SLC24A1: variants seen among roughly 807,000 people sequenced by gnomAD.
The protein encoded by SLC24A1 is sodium/potassium/calcium exchanger 1.
Under a neutral mutation model 88.1 loss-of-function variants are expected in SLC24A1, and 52 were observed. That is an observed-to-expected ratio of 0.59 (90% CI 0.47 to 0.74). The LOEUF is 0.74. Among genes scored for constraint, SLC24A1 ranks in the 30% least tolerant of loss-of-function variants. SLC24A1 has a pLI of 0.00. For missense variants in SLC24A1, 1,173 were observed against 1,363.3 expected, an observed-to-expected ratio of 0.86 and a Z score of 2.20; for synonymous variants, 455 against 498.0, an observed-to-expected ratio of 0.91 and a Z score of 1.15.
At chr15:65,618,693 GA>G (rs923237815), upstream of SLC24A1, among the ~76,000 whole-genome samples, 3 of 151,872 alleles carry the variant, frequency 2.0e-5, no homozygotes, top group Admixed American at 2.0e-4. Context: ...AGCTTACAGG[GA>G]AAAAAAAGGT....
At chr15:65,641,381 CAAAT>C (rs61152849) in intron 4 of SLC24A1, among the ~76,000 whole-genome samples, 33,162 of 149,892 alleles carry the variant, frequency 0.22, 4,570 homozygotes, top group East Asian at 0.73. Flanking sequence ...AACAAACAAA[CAAAT>C]AAATAAATAA....
chr15:65,633,620 A>T (rs543566635), intron 2 of SLC24A1, among the ~76,000 whole-genome samples: 39 of 152,356 alleles, frequency 2.6e-4, no homozygotes, highest in African/African-American at 8.7e-4. Flanking sequence ...AGATCTTGCC[A>T]CTGCACTCCA....
At chr15:65,616,474 G>T (rs535576149) in intron 2 of SLC24A1, among the ~76,000 whole-genome samples, 2 of 152,340 alleles carry the variant, frequency 1.3e-5, no homozygotes, top group African/African-American at 4.8e-5. Context: ...TTTCTCTGAT[G>T]ACCAGTGATG....
chr15:65,656,973 G>T (rs1212584284), downstream of SLC24A1, among the ~76,000 whole-genome samples: 1 of 152,162 alleles, frequency 6.6e-6, no homozygotes, highest in Non-Finnish European at 1.5e-5. Context: ...GGGCTCAAGC[G>T]ATCCTCCCGC....
chr15:65,658,150 G>T (rs1187574898), downstream of SLC24A1: 6 of 152,214 alleles, frequency 3.9e-5, no homozygotes, highest in African/African-American at 1.4e-4. Context: ...TTCAATTTGT[G>T]TACTGCTAAT....
At chr15:65,627,251 T>C (rs1255249891) in intron 2 of SLC24A1, among the ~76,000 whole-genome samples, 1 of 152,198 alleles carries the variant, frequency 6.6e-6, no homozygotes, top group Non-Finnish European at 1.5e-5. Flanking sequence ...TCCTTTGCCC[T>C]CTCTAGGAGA....
upstream of SLC24A1, among the ~76,000 whole-genome samples, chr15:65,620,147 G>A (rs1036678487): frequency 2.0e-5 from 3 of 151,230 alleles, no homozygotes; most frequent in Non-Finnish European, 2.9e-5. Flanking sequence ...TACATTCATT[G>A]CTTGCCAAGC....
At chr15:65,618,165 G>A (rs2141404605), upstream of SLC24A1, among the ~76,000 whole-genome samples, 1 of 152,226 alleles carries the variant, frequency 6.6e-6, no homozygotes, top group African/African-American at 2.4e-5. Flanking sequence ...ATATCTATTG[G>A]TGACAGAAGT....
chr15:65,656,139 A>G lies in SLC24A1; in HGVS notation c.*2060A>G. 1.0e-6 allele frequency: 1 copy of G among 985,438 alleles called. No homozygotes were observed. Among genetic ancestry groups the G allele is most frequent in the Non-Finnish European group, 1.2e-6 (1 of 829,954 alleles). 61.0% of individuals were successfully genotyped at this position (985,438 alleles called of 1,614,324 possible). ...TAGCCTCGGGGATGTCACCTCACCC[A>G]CAGCCTGGGATCTGACGTTCTTCCT... On this transcript the variant is annotated 3_prime_UTR_variant, in exon 10 of 10. Coordinates refer to ENST00000261892, the MANE Select transcript of SLC24A1 (RefSeq NM_004727.3).
Position 65,624,903 on chromosome 15 carries a change from G to A in SLC24A1, c.823G>A (p.Val275Ile), listed in dbSNP as rs745729283. ...AAACGTCTTGACTTCTCCAAGGAGC[G>A]TCATGGAAAAAAACAACCTGTTTCC... ...EANVLTSPRS[V>I]MEKNNLFPPR... Residue 275 changes from valine (V) to isoleucine (I), a missense_variant, in exon 2 of 10, where the codon GTC becomes ATC. Val to Ile is a conservative substitution (Grantham distance 29, BLOSUM62 3). Coordinates refer to ENST00000261892, the MANE Select transcript of SLC24A1 (RefSeq NM_004727.3). 17 of 1,613,370 alleles carry A rather than the reference G, an allele frequency of 1.1e-5. No homozygotes were observed. Among genetic ancestry groups the A allele is most frequent in the Admixed American group, 3.3e-5 (2 of 59,852 alleles).
Position 65,653,971 on chromosome 15 carries a change from G to T in SLC24A1, c.3192G>T (p.Trp1064Cys), listed in dbSNP as rs776240974. The T allele has an allele frequency of 1.1e-5, 17 of 1,613,784 alleles. No homozygotes were observed. In the South Asian group the frequency reaches 1.6e-4, roughly 16 times the overall value. Residue 1064 changes from tryptophan (W) to cysteine (C), a missense_variant, in exon 10 of 10, where the codon TGG becomes TGT. Transcript: ENST00000261892. The stretch of plus-strand genomic sequence containing the variant: ...TCTCTTCAATTGCGTCATGTAAATG[G>T]AGAATGAACAAGATCCTGGGCTTCA... ...FVISSIASCK[W>C]RMNKILGFTM...
rs1043711510 is a variant in SLC24A1, at chr15:65,623,809, G to A, written c.-126-146G>A. 2.2e-5 allele frequency: 8 copies of A among 371,606 alleles called. No homozygotes were observed. In the Admixed American group the frequency reaches 2.9e-4, roughly 14 times the overall value. The allele number at this position is 371,606 out of a possible 1,614,324, so 23.0% of individuals were successfully genotyped here. A position where few individuals can be genotyped will look rare whatever the true frequency, so the allele number is the denominator to read the frequency against. On this transcript the variant is annotated intron_variant, in intron 1 of 9. Coordinates refer to ENST00000261892, the MANE Select transcript of SLC24A1 (RefSeq NM_004727.3). The stretch of plus-strand genomic sequence containing the variant: ...TAGGCATTTTCCTCTGGAGCAGGGG[G>A]CAGGAGTAGTTTACTCTTGCAAAGA...
chr15:65,625,836 A>G lies in SLC24A1; in HGVS notation c.1756A>G (p.Ser586Gly). ...FLDSLIAWWESLLLLLAYAFY... is the reference protein window; with the variant it reads ...FLDSLIAWWEGLLLLLAYAFY... ...GGACAGCCTCATTGCCTGGTGGGAG[A>G]GCCTGCTGCTGCTGCTGGCCTATGC... Residue 586 changes from serine (S) to glycine (G), a missense_variant, in exon 2 of 10, where the codon AGC becomes GGC. Physicochemically the swap from Ser to Gly is moderately conservative, Grantham distance 56. Coordinates refer to ENST00000261892, the MANE Select transcript of SLC24A1 (RefSeq NM_004727.3). 6.2e-7 allele frequency: 1 copy of G among 1,613,976 alleles called. No homozygotes were observed. The highest frequency in any genetic ancestry group is 1.1e-5 in the South Asian group (1 of 91,084).
chr15:65,660,615 AT>A (rs2075820695), downstream of SLC24A1: 1 of 270,186 alleles, frequency 3.7e-6, no homozygotes, highest in Non-Finnish European at 6.9e-6. Flanking sequence ...CTAAAAATAT[AT>A]TTTTAAAGCT....
rs967819838 is a variant in SLC24A1 at position 65,628,308 on chromosome 15, C to G, written c.1890+2338C>G. On this transcript the variant is annotated intron_variant, in intron 2 of 9. Coordinates refer to ENST00000261892, the MANE Select transcript of SLC24A1 (RefSeq NM_004727.3). ...CACCCCTTCAAGGATGCTTATTTCC[C>G]TTTAACCAGATCATAAGTCTGGTCA... Among the ~76,000 whole-genome samples the G allele has an allele frequency of 2.0e-5, 3 of 152,168 alleles. No homozygotes were observed. In the East Asian group the frequency reaches 5.8e-4, roughly 29 times the overall value.
chr15:65,642,151 G>T (rs2075150049), intron 4 of SLC24A1, among the ~76,000 whole-genome samples: 1 of 152,200 alleles, frequency 6.6e-6, no homozygotes, highest in Admixed American at 6.5e-5. Context: ...GACCATGCAG[G>T]GCTGTGATGA....
At chr15:65,633,618 C>T (rs1367643433) in intron 2 of SLC24A1, among the ~76,000 whole-genome samples, 1 of 152,162 alleles carries the variant, frequency 6.6e-6, no homozygotes, top group Non-Finnish European at 1.5e-5. Flanking sequence ...CAAGATCTTG[C>T]CACTGCACTC....
intron 4 of SLC24A1, among the ~76,000 whole-genome samples, chr15:65,642,125 A>G (rs2075149151): frequency 6.6e-6 from 1 of 152,170 alleles, no homozygotes; most frequent in Non-Finnish European, 1.5e-5. Flanking sequence ...CTGAGATGAC[A>G]TATGGGAGGG....
At chr15:65,633,560 T>C (rs1045891480) in intron 2 of SLC24A1, among the ~76,000 whole-genome samples, 8 of 152,122 alleles carry the variant, frequency 5.3e-5, no homozygotes, top group Non-Finnish European at 1.0e-4. Flanking sequence ...CTCAGGAGGC[T>C]GAGGCAGGAG....
Sources: allele counts gnomAD v4.1 joint callset (sites outside exome capture counted in the v4.1 genomes callset), GRCh38; gene constraint gnomAD v4.1.1; transcripts MANE v1.5; gene names NCBI Gene and HGNC (gene_info 2026-07-23, HGNC 2026-07-21).